The following SSX1 variants were observed in gnomAD, a reference collection of about 807,000 sequenced individuals.
The protein encoded by SSX1 is SSX family member 1.
In SSX1, 58 loss-of-function variants were observed where a neutral mutation model predicts 14.6. The ratio of observed to expected loss-of-function variants is 3.96; its 90% confidence interval spans 3.21 to 4.93. The LOEUF is 4.93. Ranked by LOEUF, SSX1 falls within the 30% of genes most tolerant of loss-of-function variation. The probability of loss-of-function intolerance (pLI) is 0.00; values close to 1 mark genes in which losing one functional copy is unlikely to be tolerated. For missense variants in SSX1, 272 were observed against 143.1 expected (o/e 1.90, Z -4.60); for synonymous variants, 46 against 52.1 (o/e 0.88, Z 0.50).
chrX:48,260,954 C>T (rs1326968860), intron 4 of SSX1, among the ~76,000 whole-genome samples: 23 of 110,987 alleles, frequency 2.1e-4, no homozygotes, highest in Non-Finnish European at 1.9e-5. Flanking sequence ...CTTCACATTC[C>T]CAAACAACCC....
At chrX:48,260,639 T>A (rs1272995094) in intron 4 of SSX1, among the ~76,000 whole-genome samples, 13 of 111,627 alleles carry the variant, frequency 1.2e-4, no homozygotes, top group African/African-American at 3.6e-4. Flanking sequence ...CAAAATCTCC[T>A]TAAGCTGATA....
At position 48,267,280 on chromosome X, in the gene SSX1, C is replaced by CACAGAGAGAG; in HGVS notation, c.*434_*435insGAGAGAGACA. On this transcript the variant is annotated 3_prime_UTR_variant, in exon 8 of 8. Transcript: ENST00000376919. Reference sequence around the variant, plus strand: ...TTACACACACACACACACACACACGCACACACACACACCAAGTACCAGTAT... The same window carrying CACAGAGAGAG: ...TTACACACACACACACACACACACGCACAGAGAGAGACACACACACACCAAGTACCAGTAT... 3.6e-5 allele frequency: 8 copies of CACAGAGAGAG among 219,599 alleles called. No individual in the cohort carries two copies. The highest frequency in any genetic ancestry group is 9.3e-5 in the South Asian group (1 of 10,764). 18.1% of individuals were successfully genotyped at this position (219,599 alleles called of 1,213,427 possible). A position where few individuals can be genotyped will look rare whatever the true frequency, so the allele number is the denominator to read the frequency against.
At chrX:48,262,600 G>A (rs1268244650) in intron 5 of SSX1, among the ~76,000 whole-genome samples, 2 of 111,307 alleles carry the variant, frequency 1.8e-5, no homozygotes, top group South Asian at 3.8e-4. Context: ...CCAGCCCAGG[G>A]GATCCCTCAG....
rs1166370321 is a variant in SSX1 at position 48,267,033 on chromosome X, A to G, written c.*184A>G. On this transcript the variant is annotated 3_prime_UTR_variant, in exon 8 of 8. Transcript: ENST00000376919. ...CCAAGAGTTCGATGTTAGTGTTTCC[A>G]TTGTATTTTCTTACAGTGTGCCATT... is the stretch of plus-strand genomic sequence containing the variant. 2.1e-5 allele frequency: 11 copies of G among 515,373 alleles called. No homozygotes were observed. The highest frequency in any genetic ancestry group is 4.6e-5 in the African/African-American group (2 of 43,264). The allele number at this position is 515,373 out of a possible 1,213,427, so 42.5% of individuals were successfully genotyped here.
In SSX1 at chrX:48,263,573, G is replaced by A. The variant is rs781836549; in HGVS notation, c.331-209G>A. Among the ~76,000 whole-genome samples the A allele has an allele frequency of 5.4e-5, 6 of 111,649 alleles. No homozygotes were observed. In the South Asian group the frequency reaches 2.3e-3, roughly 42 times the overall value. Reference sequence around the variant, plus strand: ...AATGTCAGTCTTAAAAGAGTGTGAAGATAAGCATTCTAGCCCTGGAAACTG... The same window carrying A: ...AATGTCAGTCTTAAAAGAGTGTGAAAATAAGCATTCTAGCCCTGGAAACTG... On this transcript the variant is annotated intron_variant, in intron 5 of 7. Coordinates refer to ENST00000376919, the MANE Select transcript of SSX1 (RefSeq NM_005635.4).
chrX:48,256,454 T>G (rs1406315705), intron 1 of SSX1, among the ~76,000 whole-genome samples: 1 of 82,472 alleles, frequency 1.2e-5, no homozygotes, highest in Non-Finnish European at 2.4e-5. Context: ...TTTGTGTGGT[T>G]GTTTTTTTTT....
chrX:48,261,374 T>G (rs1303766869), intron 4 of SSX1, among the ~76,000 whole-genome samples: 2 of 112,181 alleles, frequency 1.8e-5, no homozygotes, highest in African/African-American at 3.2e-5. Flanking sequence ...TCATCACACA[T>G]TTAACAGCTT....
chrX:48,258,162 C>T (rs1347843497), intron 3 of SSX1, among the ~76,000 whole-genome samples: 2 of 100,557 alleles, frequency 2.0e-5, no homozygotes, highest in Non-Finnish European at 4.0e-5. Context: ...CTCCTCTCAG[C>T]TTGTCTCTTT....
In SSX1 at chrX:48,266,391, C is replaced by T. The variant is rs782772531; in HGVS notation, c.*4C>T. ...CCCTGAGGAAGATGACGAGTAACTC[C>T]GTAAGTGAACCTTCGGCTCACCCTC... On this transcript the variant is annotated splice_region_variant and 3_prime_UTR_variant, in exon 7 of 8. Transcript: ENST00000376919. The T allele has an allele frequency of 4.1e-6, 5 of 1,208,434 alleles. No homozygotes were observed. Among genetic ancestry groups the T allele is most frequent in the East Asian group, 5.9e-5 (2 of 33,762 alleles).
At chrX:48,257,428 T>C in intron 2 of SSX1, 118 bp downstream of exon 2, 1 of 1,167,403 alleles carries the variant, frequency 8.6e-7, no homozygotes, top group South Asian at 2.0e-5. Flanking sequence ...GGGGGAGATC[T>C]GGACCCTTGG....
In SSX1 at chrX:48,266,212, C is replaced by A. The variant is rs1399172668; in HGVS notation, c.467-75C>A. The A allele has an allele frequency of 4.2e-6, 5 of 1,201,948 alleles. No homozygotes were observed. In the African/African-American group the frequency reaches 8.8e-5, roughly 21 times the overall value. On this transcript the variant is annotated intron_variant, in intron 6 of 7. Coordinates refer to ENST00000376919, the MANE Select transcript of SSX1 (RefSeq NM_005635.4). ...GGCACTTGGGAGGGAGGAGGCATCT[C>A]CTTTTTTTGAGAAAACAGAGCCTAA...
intron 1 of SSX1, among the ~76,000 whole-genome samples, chrX:48,256,311 T>C (rs782667990): frequency 1.9e-5 from 2 of 106,715 alleles, no homozygotes; most frequent in Non-Finnish European, 3.9e-5. Context: ...TTTTATTTTA[T>C]TTTATTTTTT....
At chrX:48,262,550 G>C (rs1266466473) in intron 5 of SSX1, among the ~76,000 whole-genome samples, 1 of 111,010 alleles carries the variant, frequency 9.0e-6, no homozygotes, top group Non-Finnish European at 1.9e-5. Context: ...AGCTCCTTGA[G>C]GGCTTTGTCT....
At chrX:48,262,194 A>G (rs782312572) in intron 5 of SSX1, among the ~76,000 whole-genome samples, 33 of 112,320 alleles carry the variant, frequency 2.9e-4, no homozygotes, top group African/African-American at 1.1e-3. Flanking sequence ...CCAGATTCCT[A>G]GTCCATGAAA....
chrX:48,262,247 CA>C, intron 5 of SSX1, among the ~76,000 whole-genome samples: 1 of 112,376 alleles, frequency 8.9e-6, no homozygotes, highest in Non-Finnish European at 1.9e-5. Flanking sequence ...CCATAGTTAT[CA>C]GCAACATAAT....
At chrX:48,259,124 G>A (rs1280588863) in intron 4 of SSX1, among the ~76,000 whole-genome samples, 4 of 111,459 alleles carry the variant, frequency 3.6e-5, no homozygotes, top group Non-Finnish European at 7.5e-5. Context: ...AGCCTCCTGA[G>A]TAGCTGGGAT....
At chrX:48,262,316 T>G (rs12556845) in intron 5 of SSX1, among the ~76,000 whole-genome samples, 46,268 of 111,013 alleles carry the variant, frequency 0.42, 7,057 homozygotes, top group Non-Finnish European at 0.46. Flanking sequence ...GGGCACAGTG[T>G]CAGTGGTAGT....
At position 48,263,899 on chromosome X, in the gene SSX1, A is replaced by G. The variant is rs368376430; in HGVS notation, c.448A>G (p.Lys150Glu). Residue 150 changes from lysine (K) to glutamate (E), a missense_variant, in exon 6 of 8, where the codon AAG becomes GAG. Coordinates refer to ENST00000376919, the MANE Select transcript of SSX1 (RefSeq NM_005635.4). ...CCCAGGAAAAGCAAATATTTCTGAG[A>G]AGATTAATAAGAGATCTGGTAAGAG... ...HPPGKANISE[K>E]INKRSGPKRG... is the part of the protein sequence containing the mutation. 5.8e-6 allele frequency: 7 copies of G among 1,209,400 alleles called. No homozygotes were observed. Among genetic ancestry groups the G allele is most frequent in the Non-Finnish European group, 7.8e-6 (7 of 894,919 alleles).
rs1481387443 is a variant in SSX1 at position 48,263,867 on chromosome X, T to C, written c.416T>C (p.Leu139Pro). 4.1e-6 allele frequency: 5 copies of C among 1,211,380 alleles called. No homozygotes were observed. The highest frequency in any genetic ancestry group is 4.3e-5 in the Admixed American group (2 of 45,993). The change falls in exon 6 of 8, where the codon CTG (leucine) becomes CCG (proline). Residue 139 changes from leucine to proline, a missense_variant. Transcript: ENST00000376919. ...GGCCCACAAAACGATGGGAAACAACTGCACCCCCCAGGAAAAGCAAATATT... is the reference window on the plus strand; with the variant it reads ...GGCCCACAAAACGATGGGAAACAACCGCACCCCCCAGGAAAAGCAAATATT... The part of the protein sequence containing the change: ...ASGPQNDGKQ[L>P]HPPGKANISE...
Sources: allele counts gnomAD v4.1 joint callset (sites outside exome capture counted in the v4.1 genomes callset), GRCh38; gene constraint gnomAD v4.1.1; transcripts MANE v1.5; gene names NCBI Gene and HGNC (gene_info 2026-07-23, HGNC 2026-07-21).